ST3GAL3: variants seen among roughly 807,000 people sequenced by gnomAD.
The protein encoded by ST3GAL3 is ST3 beta-galactoside alpha-2,3-sialyltransferase 3.
ST3GAL3 carries 21 observed loss-of-function variants against 50.1 expected under a neutral mutation model. The ratio of observed to expected loss-of-function variants is 0.42; its 90% CI spans 0.30 to 0.60. The LOEUF is 0.60. Ranked by LOEUF, ST3GAL3 falls within the 20% of genes least tolerant of loss-of-function variation. The pLI, the probability that ST3GAL3 is intolerant of heterozygous loss-of-function variation, is 0.19. For missense variants in ST3GAL3, 353 were observed against 489.4 expected (o/e 0.72, Z 2.63); for synonymous variants, 183 against 190.0 (o/e 0.96, Z 0.30).
chr1:43,817,582 C>CCTTCTCCTTCTT (rs1558437459), intron 4 of ST3GAL3, among the ~76,000 whole-genome samples: 2 of 34,426 alleles, frequency 5.8e-5, no homozygotes, highest in Admixed American at 2.9e-4. Flanking sequence ...TTCTCCTTCT[C>CCTTCTCCTTCTT]CTCCTTCTCC....
At chr1:43,814,687 T>C (rs2061025387) in intron 3 of ST3GAL3, among the ~76,000 whole-genome samples, 1 of 152,248 alleles carries the variant, frequency 6.6e-6, no homozygotes, top group South Asian at 2.1e-4. Context: ...GCATAGGAAA[T>C]ACCTGGCATT....
chr1:43,861,159 G>A (rs2069827552), intron 5 of ST3GAL3, among the ~76,000 whole-genome samples: 1 of 152,232 alleles, frequency 6.6e-6, no homozygotes, highest in Non-Finnish European at 1.5e-5. Context: ...GCAAACCTGG[G>A]TTAGAATCCC....
chr1:43,764,109 C>T (rs1691630604), intron 2 of ST3GAL3, among the ~76,000 whole-genome samples: 2 of 152,172 alleles, frequency 1.3e-5, no homozygotes. Flanking sequence ...GGTATCAGCA[C>T]AGATGAATAA....
intron 2 of ST3GAL3, among the ~76,000 whole-genome samples, chr1:43,753,259 T>C (rs1177948316): frequency 6.6e-6 from 1 of 152,266 alleles, no homozygotes; most frequent in African/African-American, 2.4e-5. Flanking sequence ...GAATATTGCC[T>C]GGTGTGCAGA....
chr1:43,829,963 T>G (rs544193735), intron 4 of ST3GAL3, among the ~76,000 whole-genome samples: 10 of 150,156 alleles, frequency 6.7e-5, no homozygotes, highest in Admixed American at 1.3e-4. Flanking sequence ...GAGCATATAT[T>G]GCAAAGCAAC....
chr1:43,822,580 A>G (rs1247016157), intron 4 of ST3GAL3, among the ~76,000 whole-genome samples: 1 of 152,230 alleles, frequency 6.6e-6, no homozygotes, highest in East Asian at 1.9e-4. Flanking sequence ...AGCAGTCTAA[A>G]TATAGCCTGA....
chr1:43,899,456 C>T lies in ST3GAL3; in HGVS notation c.558-85C>T. 6.3e-7 allele frequency: 1 copy of T among 1,592,114 alleles called. No homozygotes were observed. Among genetic ancestry groups the T allele is most frequent in the South Asian group, 1.1e-5 (1 of 90,128 alleles). On this transcript the variant is annotated intron_variant, in intron 8 of 11. Transcript: ENST00000347631. The surrounding 1 kb of genome is among the most constrained non-coding windows in gnomAD (Gnocchi z 5.4). Reference sequence around the variant, plus strand: ...GAATAGGTCCAGGTGACCTGGACTCCCTATTCTCCATGCCTGGGATAGTCT... The same window carrying T: ...GAATAGGTCCAGGTGACCTGGACTCTCTATTCTCCATGCCTGGGATAGTCT...
chr1:43,885,544 C>A (rs2075844575), intron 5 of ST3GAL3, among the ~76,000 whole-genome samples: 1 of 152,158 alleles, frequency 6.6e-6, no homozygotes. Context: ...CGTCCCACAC[C>A]CCCGCTAGTC....
intron 5 of ST3GAL3, among the ~76,000 whole-genome samples, chr1:43,856,497 A>G (rs1483334328): frequency 1.3e-5 from 2 of 152,176 alleles, no homozygotes; most frequent in Non-Finnish European, 2.9e-5. Context: ...TGTTTGGAGA[A>G]TGTTTTAAAT....
At chr1:43,843,287 T>C (rs1202293134) in intron 5 of ST3GAL3, among the ~76,000 whole-genome samples, 1 of 152,228 alleles carries the variant, frequency 6.6e-6, no homozygotes, top group Non-Finnish European at 1.5e-5. Context: ...TTATCATGAA[T>C]AGATGTTGAA....
intron 2 of ST3GAL3, among the ~76,000 whole-genome samples, chr1:43,788,432 G>T (rs188045297): frequency 6.6e-6 from 1 of 152,026 alleles, no homozygotes; most frequent in Non-Finnish European, 1.5e-5. Context: ...GTGATCTCTC[G>T]CCTGGAAAAC....
chr1:43,802,460 G>A (rs2059423355), intron 3 of ST3GAL3, among the ~76,000 whole-genome samples: 1 of 152,206 alleles, frequency 6.6e-6, no homozygotes, highest in Admixed American at 6.5e-5. Flanking sequence ...AAGCTCTGTT[G>A]CAAAATGTAT....
At chr1:43,738,929 A>C (rs559553063) in intron 2 of ST3GAL3, 3 of 152,170 alleles carry the variant, frequency 2.0e-5, no homozygotes, top group African/African-American at 7.2e-5. Flanking sequence ...ATTGATTACT[A>C]TATCTACTAT....
intron 3 of ST3GAL3, among the ~76,000 whole-genome samples, chr1:43,795,852 T>C (rs1009500777): frequency 1.3e-5 from 2 of 152,104 alleles, no homozygotes; most frequent in Non-Finnish European, 2.9e-5. Flanking sequence ...CAGAATTCAA[T>C]GTATTACTGA....
At chr1:43,771,193 T>G (rs1695011639) in intron 2 of ST3GAL3, among the ~76,000 whole-genome samples, 1 of 152,244 alleles carries the variant, frequency 6.6e-6, no homozygotes, top group Non-Finnish European at 1.5e-5. Flanking sequence ...TATTGACATG[T>G]AAATGAAAAC....
chr1:43,759,063 GCGCACACA>G (rs1553285891), intron 2 of ST3GAL3, among the ~76,000 whole-genome samples: 13,731 of 132,374 alleles, frequency 0.1, 834 homozygotes, highest in Middle Eastern at 0.16. Flanking sequence ...ACAAAAGCGC[GCGCACACA>G]CACACACACA....
In ST3GAL3 at chr1:43,884,709, T is replaced by C. The variant is rs532296953; in HGVS notation, c.303-9674T>C. ...GTGCTGTGGTCCCTGGTCTAAGAAC[T>C]CATTGCTGGGCTCTGCCTTCCCTTT... is the stretch of plus-strand genomic sequence containing the variant. On this transcript the variant is annotated intron_variant, in intron 5 of 11. Coordinates refer to ENST00000347631, the MANE Select transcript of ST3GAL3 (RefSeq NM_006279.5). 1.9e-3 allele frequency among the ~76,000 whole-genome samples: 288 copies of C among 152,342 alleles called. 2 individuals are homozygous for C. The highest frequency in any genetic ancestry group is 3.0e-3 in the Non-Finnish European group (205 of 68,028).
chr1:43,743,502 G>A, intron 2 of ST3GAL3: 2 of 425,460 alleles, frequency 4.7e-6, no homozygotes, highest in Non-Finnish European at 4.7e-6. Flanking sequence ...AGGTGGTGGG[G>A]CAGATTGGTT....
At chr1:43,889,412 A>G (rs1253670123) in intron 5 of ST3GAL3, among the ~76,000 whole-genome samples, 1 of 152,262 alleles carries the variant, frequency 6.6e-6, no homozygotes, top group Non-Finnish European at 1.5e-5. Flanking sequence ...AACAAAATCA[A>G]TTAAAATGAG....
Sources: allele counts gnomAD v4.1 joint callset (sites outside exome capture counted in the v4.1 genomes callset), GRCh38; gene constraint gnomAD v4.1.1; non-coding constraint Gnocchi (gnomAD v3.1); transcripts MANE v1.5; gene names NCBI Gene and HGNC (gene_info 2026-07-23, HGNC 2026-07-21).